The following VPS13C variants were observed in gnomAD, a reference collection of about 807,000 sequenced individuals.
VPS13C encodes the protein vacuolar protein sorting 13 homolog C, also known as intermembrane lipid transfer protein VPS13C.
A neutral mutation model predicts 456.8 loss-of-function variants in VPS13C; 358 were observed. That is an observed-to-expected ratio of 0.78 (90% CI 0.72 to 0.86). The LOEUF is 0.86. VPS13C is among the 40% of genes least tolerant of loss of function. VPS13C has a pLI of 0.00. For missense variants in VPS13C, 4,818 were observed against 4,385.4 expected (o/e 1.10, Z -2.79); for synonymous variants, 1,578 against 1,486.7 (o/e 1.06, Z -1.41).
chr15:62,000,232 G>A (rs1293605454), intron 16 of VPS13C, among the ~76,000 whole-genome samples: 1 of 152,092 alleles, frequency 6.6e-6, no homozygotes, highest in Non-Finnish European at 1.5e-5. Context: ...CGGGCGTGGT[G>A]GCACACGCCT....
intron 37 of VPS13C, among the ~76,000 whole-genome samples, chr15:61,955,857 C>T (rs1324031249): frequency 1.3e-5 from 2 of 152,096 alleles, no homozygotes; most frequent in East Asian, 3.9e-4. Context: ...AAAGGGAATA[C>T]TTATACACTG....
chr15:61,932,806 C>T (rs2044105532), intron 49 of VPS13C, among the ~76,000 whole-genome samples: 1 of 152,148 alleles, frequency 6.6e-6, no homozygotes, highest in Admixed American at 6.5e-5. Context: ...TAGCAATGAC[C>T]TGAGACACAT....
intron 8 of VPS13C, among the ~76,000 whole-genome samples, chr15:62,022,253 T>G (rs1166929777): frequency 6.6e-6 from 1 of 151,872 alleles, no homozygotes; most frequent in East Asian, 1.9e-4. Context: ...TTCCTATATA[T>G]ACATACGTAT....
At chr15:62,003,114 T>C (rs1357087765) in intron 15 of VPS13C, among the ~76,000 whole-genome samples, 2 of 152,182 alleles carry the variant, frequency 1.3e-5, no homozygotes, top group Admixed American at 6.5e-5. Flanking sequence ...TTGGGCAGTA[T>C]GGCCATTTTC....
intron 73 of VPS13C, 67 bp from the exon 74 acceptor site, chr15:61,878,813 G>A: frequency 1.3e-6 from 2 of 1,491,430 alleles, no homozygotes; most frequent in Non-Finnish European, 1.8e-6. Flanking sequence ...TAGGATCCAG[G>A]TAGTCCAGAA....
intron 66 of VPS13C, chr15:61,907,045 G>T: frequency 4.0e-6 from 2 of 502,420 alleles, no homozygotes; most frequent in Non-Finnish European, 6.9e-6. Context: ...GATAAAGCAG[G>T]TCTATTTTTT....
intron 68 of VPS13C, among the ~76,000 whole-genome samples, chr15:61,883,124 G>A (rs1339101291): frequency 6.6e-6 from 1 of 151,656 alleles, no homozygotes; most frequent in African/African-American, 2.4e-5. Context: ...CTGGCCTCAA[G>A]TGATACTCCT....
At chr15:61,991,860 T>C in intron 16 of VPS13C, 58 bp from the exon 17 acceptor site, 1 of 1,541,666 alleles carries the variant, frequency 6.5e-7, no homozygotes, top group Non-Finnish European at 8.7e-7. Flanking sequence ...CATTTTCAGG[T>C]GTAGCCTGGG....
At chr15:61,883,168 G>A (rs1006872159) in intron 68 of VPS13C, among the ~76,000 whole-genome samples, 2 of 151,306 alleles carry the variant, frequency 1.3e-5, no homozygotes, top group African/African-American at 4.9e-5. Context: ...GACTACAGAT[G>A]TGACACCATG....
At chr15:61,879,116 A>G (rs1895674039) in intron 73 of VPS13C, among the ~76,000 whole-genome samples, 1 of 152,086 alleles carries the variant, frequency 6.6e-6, no homozygotes, top group Admixed American at 6.6e-5. Context: ...TAACAATAAC[A>G]TGACAATTAA....
At chr15:61,892,182 G>A (rs1365321245) in intron 66 of VPS13C, among the ~76,000 whole-genome samples, 1 of 152,214 alleles carries the variant, frequency 6.6e-6, no homozygotes, top group Non-Finnish European at 1.5e-5. Context: ...AGACAAAGAG[G>A]AGAAGCAGGA....
chr15:61,946,021 A>C, intron 44 of VPS13C, 139 bp from the exon 45 acceptor site: 2 of 840,408 alleles, frequency 2.4e-6, no homozygotes, highest in Non-Finnish European at 3.4e-6. Flanking sequence ...TATTAGCTAA[A>C]AACATTTTAC....
At position 61,991,708 on chromosome 15, in the gene VPS13C, G is replaced by A. The variant is rs1432779306; in HGVS notation, c.1448C>T (p.Ser483Phe). 1.2e-6 allele frequency: 2 copies of A among 1,611,746 alleles called. No homozygotes were observed. The highest frequency in any genetic ancestry group is 2.2e-5 in the South Asian group (2 of 90,662). ...WFSGLWGKKE[S>F]KKKDEESLIP... ...CAATGATTCTTCGTCCTTTTTCTTA[G>A]ACTCTTTCTTACCCCACAACCCACT... Residue 483 changes from serine (S) to phenylalanine (F), a missense_variant, in exon 17 of 85, where the codon TCT (serine) becomes TTT (phenylalanine). Transcript: ENST00000644861.
At chr15:61,942,953 A>G (rs1596362223) in intron 45 of VPS13C, among the ~76,000 whole-genome samples, 1 of 152,176 alleles carries the variant, frequency 6.6e-6, no homozygotes, top group East Asian at 1.9e-4. Flanking sequence ...AAAAATCAGT[A>G]GCATTTCTAT....
intron 36 of VPS13C, 22 bp downstream of exon 36, chr15:61,959,426 T>C (rs1369018960): frequency 2.6e-6 from 4 of 1,539,832 alleles, no homozygotes; most frequent in African/African-American, 1.4e-5. Flanking sequence ...CAATGAAGTT[T>C]TTTCTTCACT....
intron 18 of VPS13C, among the ~76,000 whole-genome samples, chr15:61,989,294 G>T (rs2046152944): frequency 6.6e-6 from 1 of 151,912 alleles, no homozygotes; most frequent in Non-Finnish European, 1.5e-5. Context: ...CAGCTACTCG[G>T]GTGGCTTGAG....
At position 61,863,460 on chromosome 15, in the gene VPS13C, T is replaced by C; in HGVS notation, c.10932A>G (p.Thr3644=). The part of the protein sequence containing the change: ...YHCAIPGSKK[T]ILMVTNRRVL... ...AGTACCTATTTGTAACCATAAGGAT[T>C]GTCTTCTTGCTTCCAGGAATAGCAC... is the stretch of plus-strand genomic sequence containing the variant. Residue 3644 remains threonine (T), a synonymous_variant, in exon 82 of 85, where the codon ACA becomes ACG. Coordinates refer to ENST00000644861, the MANE Select transcript of VPS13C (RefSeq NM_020821.3). 2 of 1,612,720 alleles carry C rather than the reference T, an allele frequency of 1.2e-6. No homozygotes were observed. Among genetic ancestry groups the C allele is most frequent in the Non-Finnish European group, 8.5e-7 (1 of 1,179,094 alleles).
chr15:61,938,868 A>C (rs917407253), intron 47 of VPS13C, among the ~76,000 whole-genome samples: 1 of 152,110 alleles, frequency 6.6e-6, no homozygotes, highest in Non-Finnish European at 1.5e-5. Flanking sequence ...TAATTTAGAG[A>C]TTATTTCCAT....
intron 62 of VPS13C, among the ~76,000 whole-genome samples, chr15:61,912,623 A>C (rs1596322802): frequency 1.4e-5 from 2 of 146,036 alleles, no homozygotes; most frequent in East Asian, 4.0e-4. Flanking sequence ...ATTTCGGTAC[A>C]CTTTAGGAGC....
Sources: gnomAD v4.1 joint callset for allele counts (sites outside exome capture counted in the v4.1 genomes callset) on GRCh38, gnomAD v4.1.1 for gene constraint, MANE v1.5 for transcripts, NCBI Gene and HGNC (gene_info 2026-07-23, HGNC 2026-07-21) for gene names.